The following SUPT3H variants were observed in gnomAD, a reference collection of about 807,000 sequenced individuals.
SUPT3H encodes the protein transcription initiation protein SPT3 homolog.
Under a neutral mutation model 44.3 loss-of-function variants are expected in SUPT3H, and 44 were observed. The observed-to-expected ratio is 0.99, with a 90% CI of 0.78 to 1.28. The LOEUF is 1.28. Among genes scored for constraint, SUPT3H ranks in the 50% most tolerant of loss-of-function variants. The pLI, the probability that SUPT3H is intolerant of heterozygous loss-of-function variation, is 0.00. For synonymous variants in SUPT3H, 124 were observed against 125.6 expected (o/e 0.99, Z 0.09); for missense variants, 380 against 387.1 (o/e 0.98, Z 0.15).
intron 10 of SUPT3H, 37 bp downstream of exon 10, chr6:44,932,616 T>G: frequency 7.0e-7 from 1 of 1,438,122 alleles, no homozygotes; most frequent in Non-Finnish European, 9.5e-7. Context: ...TCTTTCATAT[T>G]ATAAATATAA....
intron 2 of SUPT3H, among the ~76,000 whole-genome samples, chr6:45,181,581 T>C (rs1348922116): frequency 1.8e-4 from 27 of 151,450 alleles, no homozygotes; most frequent in East Asian, 2.0e-4. Context: ...ATGGATGAAA[T>C]TGGAAATCAT....
intron 3 of SUPT3H, among the ~76,000 whole-genome samples, chr6:45,045,964 A>G (rs937307481): frequency 6.6e-6 from 1 of 152,080 alleles, no homozygotes; most frequent in South Asian, 2.1e-4. Context: ...CATGCTTTCT[A>G]TGTTCTATCT....
intron 2 of SUPT3H, among the ~76,000 whole-genome samples, chr6:45,360,999 A>C (rs1483852741): frequency 6.6e-6 from 1 of 152,190 alleles, no homozygotes; most frequent in African/African-American, 2.4e-5. Context: ...TTAGCTGGGC[A>C]CAGTGGCACA....
rs553455981 is a variant in SUPT3H, at chr6:45,216,922, T to C, written c.102-110916A>G. On this transcript the variant is annotated intron_variant, in intron 2 of 10. Coordinates refer to ENST00000371459, the MANE Select transcript of SUPT3H (RefSeq NM_003599.4). The stretch of plus-strand genomic sequence containing the variant: ...TAAGTACCACATGTTCTCACTCACA[T>C]GTGGAAGCTAAAAAATTTGATCTCA... 2.0e-5 allele frequency among the ~76,000 whole-genome samples: 3 copies of C among 152,220 alleles called. No homozygotes were observed. In the East Asian group the frequency reaches 5.8e-4, roughly 29 times the overall value.
intron 1 of SUPT3H, among the ~76,000 whole-genome samples, chr6:45,377,075 G>T (rs540750594): frequency 6.6e-6 from 1 of 150,768 alleles, no homozygotes; most frequent in African/African-American, 2.4e-5. Context: ...GAGACCAAGT[G>T]TCCTGATTCT....
chr6:45,068,673 T>G (rs1480005851), intron 3 of SUPT3H, among the ~76,000 whole-genome samples: 3 of 152,144 alleles, frequency 2.0e-5, no homozygotes, highest in African/African-American at 7.2e-5. Context: ...CCAGGCTTAG[T>G]GAATTGCTGT....
chr6:44,911,226 CTTCTT>C (rs1483782946), intron 10 of SUPT3H, among the ~76,000 whole-genome samples: 1 of 151,842 alleles, frequency 6.6e-6, no homozygotes, highest in African/African-American at 2.4e-5. Context: ...TTTAGTGCAT[CTTCTT>C]TTGTCTTAGA....
At chr6:45,203,734 G>T (rs1279787061) in intron 2 of SUPT3H, among the ~76,000 whole-genome samples, 3 of 152,098 alleles carry the variant, frequency 2.0e-5, no homozygotes, top group African/African-American at 7.2e-5. Context: ...TTCTGCCCCA[G>T]CCATGAAGGA....
chr6:45,008,344 T>G (rs1013601756), intron 5 of SUPT3H, among the ~76,000 whole-genome samples: 5 of 152,086 alleles, frequency 3.3e-5, no homozygotes, highest in Non-Finnish European at 7.4e-5. Flanking sequence ...GCACTTGTTA[T>G]TATCATTTTG....
At chr6:45,240,604 C>A (rs993246704) in intron 2 of SUPT3H, among the ~76,000 whole-genome samples, 1 of 152,170 alleles carries the variant, frequency 6.6e-6, no homozygotes, top group African/African-American at 2.4e-5. Flanking sequence ...GGCAGAGGTG[C>A]TGCGCAGCGA....
chr6:45,224,490 T>C (rs1766579078), intron 2 of SUPT3H, among the ~76,000 whole-genome samples: 1 of 152,150 alleles, frequency 6.6e-6, no homozygotes, highest in African/African-American at 2.4e-5. Flanking sequence ...AATCTCTATA[T>C]ATTACCATCA....
At chr6:45,071,214 C>A (rs539028210) in intron 3 of SUPT3H, among the ~76,000 whole-genome samples, 2 of 152,060 alleles carry the variant, frequency 1.3e-5, no homozygotes, top group Non-Finnish European at 2.9e-5. Context: ...GGTTAACAGA[C>A]ACCTGGGAAA....
intron 3 of SUPT3H, among the ~76,000 whole-genome samples, chr6:45,031,002 C>T (rs1182920012): frequency 6.6e-6 from 1 of 152,044 alleles, no homozygotes. Context: ...ATACAGTAGT[C>T]GAAGCTTTAA....
intron 8 of SUPT3H, among the ~76,000 whole-genome samples, chr6:44,954,149 T>C (rs867117781): frequency 6.6e-6 from 1 of 152,184 alleles, no homozygotes; most frequent in Non-Finnish European, 1.5e-5. Context: ...ATTTGGTAAG[T>C]ACTCCTAAAT....
chr6:44,987,514 T>C (rs1396475206), intron 6 of SUPT3H, among the ~76,000 whole-genome samples: 1 of 152,070 alleles, frequency 6.6e-6, no homozygotes, highest in Non-Finnish European at 1.5e-5. Flanking sequence ...TTGACCAATG[T>C]ATTTGGCAAC....
At chr6:45,189,253 T>C (rs1448995180) in intron 2 of SUPT3H, among the ~76,000 whole-genome samples, 7 of 152,244 alleles carry the variant, frequency 4.6e-5, no homozygotes, top group Non-Finnish European at 7.3e-5. Context: ...TTTCAGATAA[T>C]TAGTGTATCA....
chr6:44,846,856 T>A (rs913646213), intron 10 of SUPT3H, among the ~76,000 whole-genome samples: 8 of 152,118 alleles, frequency 5.3e-5, no homozygotes, highest in Admixed American at 1.3e-4. Context: ...TCTCAAACTC[T>A]TGACCTCAGG....
At chr6:45,201,687 A>G (rs189750135) in intron 2 of SUPT3H, among the ~76,000 whole-genome samples, 280 of 151,990 alleles carry the variant, frequency 1.8e-3, no homozygotes, top group African/African-American at 6.6e-3. Context: ...TAGGACAGAG[A>G]GAACTTCCAG....
chr6:45,000,582 C>A (rs1384168964), intron 6 of SUPT3H, among the ~76,000 whole-genome samples: 1 of 152,032 alleles, frequency 6.6e-6, no homozygotes, highest in African/African-American at 2.4e-5. Flanking sequence ...TTATGAGAAA[C>A]TATATGTTTT....
Sources: allele counts gnomAD v4.1 joint callset (sites outside exome capture counted in the v4.1 genomes callset), GRCh38; gene constraint gnomAD v4.1.1; transcripts MANE v1.5; gene names NCBI Gene and HGNC (gene_info 2026-07-23, HGNC 2026-07-21).